The following PKNOX2 variants were observed in gnomAD, a reference collection of about 807,000 sequenced individuals.
PKNOX2 encodes the protein homeobox protein PKNOX2.
PKNOX2 carries 14 observed loss-of-function variants against 53.1 expected under a neutral mutation model. That is an observed-to-expected ratio of 0.26 (90% CI 0.17 to 0.41). PKNOX2 has a LOEUF of 0.41. Among genes scored for constraint, PKNOX2 ranks in the 10% least tolerant of loss-of-function variants. PKNOX2 has a pLI of 1.00. For synonymous variants in PKNOX2, 257 were observed against 242.8 expected (o/e 1.06, Z -0.54); for missense variants, 496 against 602.8 (o/e 0.82, Z 1.85).
intron 12 of PKNOX2, 71 bp from the exon 13 acceptor site, chr11:125,431,095 C>G (rs1410052212): frequency 1.6e-5 from 24 of 1,544,588 alleles, no homozygotes; most frequent in Non-Finnish European, 1.9e-5. Context: ...CCATTAAACC[C>G]TGTCCAACAC....
At chr11:125,401,869 G>A (rs377260106) in intron 7 of PKNOX2, among the ~76,000 whole-genome samples, 14 of 152,152 alleles carry the variant, frequency 9.2e-5, no homozygotes, top group African/African-American at 3.4e-4. Flanking sequence ...CTGAGCACCA[G>A]CCTGGCCTGG....
chr11:125,234,874 T>G (rs114921662), intron 1 of PKNOX2, among the ~76,000 whole-genome samples, 171 bp from the exon 2 acceptor site: 4,496 of 152,230 alleles, frequency 0.03, 202 homozygotes, highest in African/African-American at 0.1. Flanking sequence ...ATGGTTTTGC[T>G]AGGAGTCTCT....
chr11:125,328,371 G>A (rs975161903), intron 2 of PKNOX2, among the ~76,000 whole-genome samples: 1,866 of 148,312 alleles, frequency 0.013, 40 homozygotes, highest in African/African-American at 0.046. Context: ...GTGAGAGAGA[G>A]AGAGAGAGTG....
intron 3 of PKNOX2, among the ~76,000 whole-genome samples, chr11:125,339,646 C>G (rs990513045): frequency 5.9e-5 from 9 of 152,212 alleles, no homozygotes; most frequent in Non-Finnish European, 1.3e-4. Context: ...AGCAGGGCCC[C>G]TCAGTCCAGT....
At chr11:125,247,867 C>CT (rs889480602) in intron 2 of PKNOX2, among the ~76,000 whole-genome samples, 2 of 152,210 alleles carry the variant, frequency 1.3e-5, no homozygotes, top group Non-Finnish European at 2.9e-5. Flanking sequence ...TTCCCAAAGT[C>CT]TTTTTTTGCT....
chr11:125,383,581 C>A (rs1212052962), intron 5 of PKNOX2, among the ~76,000 whole-genome samples: 1 of 152,126 alleles, frequency 6.6e-6, no homozygotes, highest in Non-Finnish European at 1.5e-5. Context: ...CATGCCACTG[C>A]ACTCCAGCCT....
At position 125,385,576 on chromosome 11, in the gene PKNOX2, C is replaced by T; in HGVS notation, c.253C>T (p.Leu85=). The change falls in exon 6 of 13, where the codon CTG becomes TTG. Residue 85 remains leucine (L), a synonymous_variant. Coordinates refer to ENST00000298282, the MANE Select transcript of PKNOX2 (RefSeq NM_001382323.2). ...GCACCCTCTTTTCCCGCTCCTGACG[C>T]TGCTGTTTGAGAAATGTGAACAGGC... The part of the protein sequence containing the change: ...YRHPLFPLLT[L]LFEKCEQATQ... 1 of 1,611,484 alleles carries T rather than the reference C, an allele frequency of 6.2e-7. No homozygotes were observed. The highest frequency in any genetic ancestry group is 8.5e-7 in the Non-Finnish European group (1 of 1,179,042).
At chr11:125,214,388 C>A (rs903391071) in intron 1 of PKNOX2, among the ~76,000 whole-genome samples, 1 of 152,032 alleles carries the variant, frequency 6.6e-6, no homozygotes, top group Non-Finnish European at 1.5e-5. Context: ...ATGCCCTACT[C>A]GGGAGGGGGT....
At chr11:125,284,365 C>T (rs148068213) in intron 2 of PKNOX2, among the ~76,000 whole-genome samples, 1,872 of 152,290 alleles carry the variant, frequency 0.012, 15 homozygotes, top group Non-Finnish European at 0.021. Flanking sequence ...GAGGTGACCT[C>T]TCAGCCCGCT....
intron 1 of PKNOX2, among the ~76,000 whole-genome samples, chr11:125,183,827 A>G (rs1956296305): frequency 1.3e-5 from 2 of 152,160 alleles, no homozygotes; most frequent in South Asian, 2.1e-4. Context: ...CATGTGCTCA[A>G]TGAATGGAGT....
chr11:125,410,264 A>G lies in PKNOX2; in HGVS notation c.657A>G (p.Pro219=). ...ATAACCCCCAGGGGATTGTGGTCCC[A>G]GCCTCAGCGCTCCAGCAGGGCAACA... ...VSNNPQGIVV[P]ASALQQGNIA... is the part of the protein sequence containing the mutation. The change falls in exon 8 of 13, where the codon CCA becomes CCG. Residue 219 remains proline (P), a synonymous_variant. Transcript: ENST00000298282. 6.2e-7 allele frequency: 1 copy of G among 1,614,064 alleles called. No individual in the cohort carries two copies. Among genetic ancestry groups the G allele is most frequent in the Non-Finnish European group, 8.5e-7 (1 of 1,179,990 alleles).
chr11:125,322,411 T>C (rs971463719), intron 2 of PKNOX2, among the ~76,000 whole-genome samples: 2 of 152,136 alleles, frequency 1.3e-5, no homozygotes, highest in Non-Finnish European at 2.9e-5. Flanking sequence ...CCACTGCCTG[T>C]CCTCTTCATC....
chr11:125,223,659 TA>T (rs1274373912), intron 1 of PKNOX2, among the ~76,000 whole-genome samples: 1 of 152,196 alleles, frequency 6.6e-6, no homozygotes, highest in Non-Finnish European at 1.5e-5. Flanking sequence ...ACAAGGTTCA[TA>T]AACTTTAATG....
chr11:125,188,306 T>G (rs1956577921), intron 1 of PKNOX2: 1 of 152,240 alleles, frequency 6.6e-6, no homozygotes, highest in African/African-American at 2.4e-5. Context: ...GTTGGAGGAC[T>G]GGGGAAGGCT....
intron 1 of PKNOX2, among the ~76,000 whole-genome samples, chr11:125,169,829 C>A (rs1955149441): frequency 1.3e-5 from 2 of 152,216 alleles, no homozygotes. Flanking sequence ...GGGCTGAATT[C>A]CTGCCTTGCA....
intron 6 of PKNOX2, among the ~76,000 whole-genome samples, chr11:125,392,407 T>C (rs1954106448): frequency 6.6e-6 from 1 of 152,220 alleles, no homozygotes; most frequent in Non-Finnish European, 1.5e-5. Flanking sequence ...TAGTGTTGCC[T>C]ACCTTTCTAA....
chr11:125,343,133 G>C (rs142418480), intron 3 of PKNOX2, among the ~76,000 whole-genome samples: 1 of 152,144 alleles, frequency 6.6e-6, no homozygotes, highest in African/African-American at 2.4e-5. Flanking sequence ...GTGAACAATA[G>C]GGGGAGGGGC....
At chr11:125,239,834 G>A (rs1464144215) in intron 2 of PKNOX2, 1 of 152,280 alleles carries the variant, frequency 6.6e-6, no homozygotes, top group Non-Finnish European at 1.5e-5. Context: ...TAGGCTGGTA[G>A]TCCTTGAGTG....
intron 5 of PKNOX2, among the ~76,000 whole-genome samples, chr11:125,375,610 T>C (rs1277464771): frequency 6.6e-6 from 1 of 152,188 alleles, no homozygotes; most frequent in Non-Finnish European, 1.5e-5. Context: ...GGTATCAAAA[T>C]GCAATAAGCA....
Sources: gnomAD v4.1 joint callset for allele counts (sites outside exome capture counted in the v4.1 genomes callset) on GRCh38, gnomAD v4.1.1 for gene constraint, MANE v1.5 for transcripts, NCBI Gene and HGNC (gene_info 2026-07-23, HGNC 2026-07-21) for gene names.